Variants in NFYC observed in about 807,000 individuals in gnomAD.
NFYC encodes the protein nuclear transcription factor Y subunit gamma.
Under a neutral mutation model 53.1 loss-of-function variants are expected in NFYC, and 25 were observed. The ratio of observed to expected loss-of-function variants is 0.47; its 90% CI spans 0.34 to 0.66. NFYC has a LOEUF of 0.66. Ranked by LOEUF, NFYC falls within the 30% of genes least tolerant of loss-of-function variation. NFYC has a pLI of 0.01. For missense variants in NFYC, 260 were observed against 422.7 expected (o/e 0.62, Z 3.38); for synonymous variants, 145 against 152.6 (o/e 0.95, Z 0.37).
chr1:40,732,507 T>C (rs1039800736), intron 1 of NFYC, among the ~76,000 whole-genome samples: 1 of 152,214 alleles, frequency 6.6e-6, no homozygotes, highest in African/African-American at 2.4e-5. Context: ...TTTTTTTCTT[T>C]AAGAATGATA....
intron 1 of NFYC, among the ~76,000 whole-genome samples, chr1:40,722,416 C>T (rs1468439708): frequency 6.6e-6 from 1 of 152,130 alleles, no homozygotes; most frequent in African/African-American, 2.4e-5. Context: ...ACATCTTTCT[C>T]TATTTTAATA....
intron 1 of NFYC, among the ~76,000 whole-genome samples, chr1:40,736,318 T>C (rs1210347318): frequency 6.6e-6 from 1 of 152,200 alleles, no homozygotes; most frequent in African/African-American, 2.4e-5. Flanking sequence ...ATCAGAGACC[T>C]GTAAACATTT....
At chr1:40,707,883 G>A (rs1412731284) in intron 1 of NFYC, among the ~76,000 whole-genome samples, 5 of 149,146 alleles carry the variant, frequency 3.4e-5, no homozygotes, top group Admixed American at 6.7e-5. Context: ...AAGAAATAAC[G>A]AATTTATCCT....
chr1:40,739,603 C>T (rs1645231073), intron 2 of NFYC, among the ~76,000 whole-genome samples: 1 of 152,062 alleles, frequency 6.6e-6, no homozygotes, highest in African/African-American at 2.4e-5. Flanking sequence ...AAAATCATCC[C>T]TTGTTGAGAA....
chr1:40,711,805 G>A (rs1643936902), intron 1 of NFYC, among the ~76,000 whole-genome samples: 1 of 152,196 alleles, frequency 6.6e-6, no homozygotes, highest in Non-Finnish European at 1.5e-5. Flanking sequence ...GTAAGTGGGG[G>A]AGGCTTAGAT....
In NFYC at chr1:40,691,715, G is replaced by C; in HGVS notation, c.-161G>C. The stretch of plus-strand genomic sequence containing the variant: ...AAAGGGGAAACGGTGCAAACGGCGT[G>C]GCCGCCATCTTGCTTGTGCCCCCGC... On this transcript the variant is annotated 5_prime_UTR_variant, in exon 1 of 10. Transcript: ENST00000447388. 3 of 454,304 alleles carry C rather than the reference G, an allele frequency of 6.6e-6. No individual in the cohort carries two copies. Among genetic ancestry groups the C allele is most frequent in the Non-Finnish European group, 1.3e-5 (3 of 225,932 alleles). 28.1% of individuals were successfully genotyped at this position (454,304 alleles called of 1,614,324 possible).
intron 1 of NFYC, among the ~76,000 whole-genome samples, chr1:40,715,496 G>A (rs529457967): frequency 5.9e-5 from 9 of 151,462 alleles, no homozygotes; most frequent in Non-Finnish European, 1.0e-4. Flanking sequence ...TTCTACCTCA[G>A]CCTCCCAAAG....
rs554084346 is a variant in NFYC, at chr1:40,766,466, T to A, written c.721-130T>A. The stretch of plus-strand genomic sequence containing the variant: ...TTTTGACCTCTGTTTAAAAGGGACT[T>A]TTTTCAGGGCAGGCTTCTTTGGAGG... On this transcript the variant is annotated intron_variant, in intron 7 of 9. Coordinates refer to ENST00000447388, the MANE Select transcript of NFYC (RefSeq NM_014223.5). 4.5e-6 allele frequency: 3 copies of A among 672,418 alleles called. No individual in the cohort carries two copies. The South Asian group carries it at 5.8e-5, about 13-fold the overall frequency. 41.7% of individuals were successfully genotyped at this position (672,418 alleles called of 1,614,324 possible).
At chr1:40,749,764 A>C in intron 4 of NFYC, 78 bp downstream of exon 4, 1 of 1,173,144 alleles carries the variant, frequency 8.5e-7, no homozygotes, top group Non-Finnish European at 1.3e-6. Context: ...TGTTGGAGAA[A>C]GATTGTTCTC....
intron 7 of NFYC, chr1:40,766,280 G>T (rs1242128553): frequency 1.5e-5 from 4 of 259,826 alleles, no homozygotes; most frequent in Admixed American, 4.9e-5. Context: ...AAGATAAGCT[G>T]TGATCATGTA....
chr1:40,748,687 GAA>G (rs1450180001), intron 3 of NFYC, among the ~76,000 whole-genome samples: 4 of 152,178 alleles, frequency 2.6e-5, no homozygotes, highest in African/African-American at 4.8e-5. Context: ...AGATCTCAGA[GAA>G]AGAGGAACTC....
chr1:40,718,905 C>T (rs1644235064), intron 1 of NFYC, among the ~76,000 whole-genome samples: 1 of 152,138 alleles, frequency 6.6e-6, no homozygotes, highest in South Asian at 2.1e-4. Flanking sequence ...CGGAGTCTTG[C>T]TCTGTCGCCA....
intron 5 of NFYC, among the ~76,000 whole-genome samples, chr1:40,753,787 A>T (rs1469600098): frequency 6.6e-6 from 1 of 152,224 alleles, no homozygotes; most frequent in South Asian, 2.1e-4. Flanking sequence ...GAGCCCAGGC[A>T]TCAGTACCTT....
At chr1:40,755,794 A>G (rs1323020413) in intron 5 of NFYC, among the ~76,000 whole-genome samples, 3 of 152,170 alleles carry the variant, frequency 2.0e-5, no homozygotes, top group African/African-American at 7.2e-5. Flanking sequence ...TAAACAGTTT[A>G]AGAGGATGTA....
intron 1 of NFYC, among the ~76,000 whole-genome samples, chr1:40,724,142 G>A (rs953904594): frequency 7.2e-5 from 11 of 152,180 alleles, no homozygotes; most frequent in African/African-American, 2.7e-4. Flanking sequence ...GGCCGAGGTG[G>A]GCAGATCACT....
chr1:40,759,557 A>ATG lies in NFYC; in HGVS notation c.561+1264_561+1265insGT, dbSNP rs1273701515. Among the ~76,000 whole-genome samples, 127 of 52,188 alleles carry ATG rather than the reference A, an allele frequency of 2.4e-3. 1 individual carries two copies. The East Asian group carries it at 0.037, about 15-fold the overall frequency. The allele number at this position is 52,188 out of a possible 152,430, so 34.2% of individuals were successfully genotyped here. A position where few individuals can be genotyped will look rare whatever the true frequency, so the allele number is the denominator to read the frequency against. ...TCTCAAAAAAAAAACAAAAAAAAGT[A>ATG]TATGTGTGTGTGTGTGTGTATGTGT... On this transcript the variant is annotated intron_variant, in intron 6 of 9. Coordinates refer to ENST00000447388, the MANE Select transcript of NFYC (RefSeq NM_014223.5).
rs530444375 is a variant in NFYC, at chr1:40,728,194, A to G, written c.-8-10642A>G. Among the ~76,000 whole-genome samples the G allele has an allele frequency of 9.9e-5, 15 of 152,276 alleles. No homozygotes were observed. In the East Asian group the frequency reaches 2.9e-3, roughly 29 times the overall value. ...CTCCCAAAGTGCTGGGATTATAGGC[A>G]TGAGCCACTGTGCCCGGCCATGTAT... On this transcript the variant is annotated intron_variant, in intron 1 of 9. Coordinates refer to ENST00000447388, the MANE Select transcript of NFYC (RefSeq NM_014223.5).
At position 40,770,086 on chromosome 1, in the gene NFYC, T is replaced by G. The variant is rs553439122; in HGVS notation, c.889-623T>G. Among the ~76,000 whole-genome samples, 1 of 152,302 alleles carries G rather than the reference T, an allele frequency of 6.6e-6. No homozygotes were observed. Among genetic ancestry groups the G allele is most frequent in the East Asian group, 1.9e-4 (1 of 5,176 alleles). The stretch of plus-strand genomic sequence containing the variant: ...TCCCATGAGGGCTTGGCTTTTGGCT[T>G]CTTTGGGGAGCGCCTGGGAAACCAA... On this transcript the variant is annotated intron_variant, in intron 9 of 9. Transcript: ENST00000447388. The surrounding 1 kb of genome is among the most constrained non-coding windows in gnomAD (Gnocchi z 5.3).
intron 6 of NFYC, 75 bp from the exon 7 acceptor site, chr1:40,762,813 C>G (rs544708088): frequency 2.2e-4 from 302 of 1,374,166 alleles, no homozygotes; most frequent in Non-Finnish European, 2.7e-4. Context: ...GCACATTGCT[C>G]GTTATTAACC....
Sources: allele counts gnomAD v4.1 joint callset (sites outside exome capture counted in the v4.1 genomes callset), GRCh38; gene constraint gnomAD v4.1.1; non-coding constraint Gnocchi (gnomAD v3.1); transcripts MANE v1.5; gene names NCBI Gene and HGNC (gene_info 2026-07-23, HGNC 2026-07-21).